RALY: variants seen among roughly 807,000 people sequenced by gnomAD.
RALY encodes RALY heterogeneous nuclear ribonucleoprotein.
Under a neutral mutation model 30.7 loss-of-function variants are expected in RALY, and 15 were observed. The ratio of observed to expected loss-of-function variants is 0.49; its 90% CI spans 0.33 to 0.75. The LOEUF (loss-of-function observed/expected upper bound fraction) is 0.75, where lower values mean the gene tolerates loss of function less well. Among genes scored for constraint, RALY ranks in the 30% least tolerant of loss-of-function variants. The pLI, the probability that RALY is intolerant of heterozygous loss-of-function variation, is 0.02. For missense variants in RALY, 339 were observed against 414.3 expected, an observed-to-expected ratio of 0.82 and a Z score of 1.58; for synonymous variants, 177 against 170.8, an observed-to-expected ratio of 1.04 and a Z score of -0.28.
intron 1 of RALY, among the ~76,000 whole-genome samples, chr20:34,006,997 C>T (rs537978950): frequency 6.6e-6 from 1 of 152,234 alleles, no homozygotes; most frequent in East Asian, 1.9e-4. Flanking sequence ...GGTGTGTTTT[C>T]TGTGTCTCTT....
intron 1 of RALY, among the ~76,000 whole-genome samples, chr20:34,011,416 T>G (rs1464389928): frequency 6.6e-6 from 1 of 152,168 alleles, no homozygotes; most frequent in African/African-American, 2.4e-5. Flanking sequence ...TTAAGTAAAT[T>G]TTTACATATC....
chr20:34,062,994 C>A (rs1296424896), intron 2 of RALY, among the ~76,000 whole-genome samples: 1 of 152,178 alleles, frequency 6.6e-6, no homozygotes, highest in Non-Finnish European at 1.5e-5. Flanking sequence ...AAGAAACTGA[C>A]CTCCAGGCAG....
Position 34,021,916 on chromosome 20 carries a change from T to TA in RALY, c.-92-9597dup, listed in dbSNP as rs200864255. Among the ~76,000 whole-genome samples the TA allele has an allele frequency of 8.0e-4, 121 of 150,330 alleles. 2 individuals carry two copies. Among genetic ancestry groups the TA allele is most frequent in the African/African-American group, 2.2e-3 (90 of 41,136 alleles). Reference sequence around the variant, plus strand: ...TTGTTCTTTTAAGTTTTTTTATTATTAAAAAAAAATTTTTTTTTAAATAGA... The same window carrying TA: ...TTGTTCTTTTAAGTTTTTTTATTATTAAAAAAAAAATTTTTTTTTAAATAGA... On this transcript the variant is annotated intron_variant, in intron 1 of 9. Transcript: ENST00000246194.
At chr20:34,063,731 G>A (rs1306340432) in intron 2 of RALY, among the ~76,000 whole-genome samples, 1 of 152,146 alleles carries the variant, frequency 6.6e-6, no homozygotes, top group Non-Finnish European at 1.5e-5. Context: ...AGGAGAATAA[G>A]GGGATCAAAG....
At chr20:34,065,238 A>G (rs1226333964) in intron 2 of RALY, 1 of 152,280 alleles carries the variant, frequency 6.6e-6, no homozygotes, top group African/African-American at 2.4e-5. Context: ...TTACAGATGC[A>G]ACAGAGCGCT....
chr20:34,025,899 G>GTTTTTTTTTTTTTTTTTTTTTT (rs35827160), intron 1 of RALY, among the ~76,000 whole-genome samples: 1 of 75,916 alleles, frequency 1.3e-5, no homozygotes, highest in Non-Finnish European at 2.4e-5. Context: ...ATTCCTGGTT[G>GTTTTTTTTTTTTTTTTTTTTTT]TTTTTTTTTT....
At chr20:34,066,871 A>G (rs897782097) in intron 2 of RALY, among the ~76,000 whole-genome samples, 1 of 152,166 alleles carries the variant, frequency 6.6e-6, no homozygotes, top group South Asian at 2.1e-4. Flanking sequence ...GGCTTTGTTC[A>G]CTAAAATTCT....
chr20:34,020,417 T>C (rs528228296), intron 1 of RALY, among the ~76,000 whole-genome samples: 2 of 152,284 alleles, frequency 1.3e-5, no homozygotes, highest in East Asian at 3.9e-4. Flanking sequence ...AGCTGCCAAA[T>C]TACAACTCAG....
At chr20:34,032,031 C>A (rs1245558214) in intron 2 of RALY, among the ~76,000 whole-genome samples, 1 of 152,174 alleles carries the variant, frequency 6.6e-6, no homozygotes, top group Non-Finnish European at 1.5e-5. Context: ...GGCACGATCT[C>A]GGCTCAATGC....
rs538669124 is a variant in RALY at position 34,082,248 on chromosome 20, C to T, written c.*2343C>T. 2.0e-5 allele frequency: 3 copies of T among 152,376 alleles called. No individual in the cohort carries two copies. The highest frequency in any genetic ancestry group is 7.2e-5 in the African/African-American group (3 of 41,578). The allele number at this position is 152,376 out of a possible 1,614,324, so 9.4% of individuals were successfully genotyped here. On this transcript the variant is annotated 3_prime_UTR_variant, in exon 10 of 10. Coordinates refer to ENST00000246194, the MANE Select transcript of RALY (RefSeq NM_016732.3). The stretch of plus-strand genomic sequence containing the variant: ...AATACCCTGGCAAGTCATTACTGCC[C>T]TTAGCTCTTGGTGTCCCCATCTGTG...
chr20:34,004,760 TTTC>T (rs1419312293), intron 1 of RALY, among the ~76,000 whole-genome samples: 2 of 152,220 alleles, frequency 1.3e-5, no homozygotes, highest in Non-Finnish European at 2.9e-5. Flanking sequence ...AAAGAGAGTT[TTTC>T]TTCTTAAAAT....
intron 1 of RALY, among the ~76,000 whole-genome samples, chr20:33,999,292 C>T (rs188843644): frequency 1.3e-5 from 2 of 151,994 alleles, no homozygotes; most frequent in African/African-American, 4.8e-5. Context: ...AGAAGGAGCA[C>T]GTAAGGGAGG....
At position 34,077,283 on chromosome 20, in the gene RALY, G is replaced by A; in HGVS notation, c.876+38G>A. The A allele has an allele frequency of 2.5e-6, 4 of 1,610,596 alleles. No homozygotes were observed. The South Asian group carries it at 3.3e-5, about 13-fold the overall frequency. On this transcript the variant is annotated intron_variant, in intron 8 of 9. Transcript: ENST00000246194. The stretch of plus-strand genomic sequence containing the variant: ...CCAGGGGCACGACTGGGACTCGACT[G>A]TGCTCCTACTCTCAGGAGGCCAACA...
chr20:34,018,792 G>T (rs2123044758), intron 1 of RALY, among the ~76,000 whole-genome samples: 1 of 152,264 alleles, frequency 6.6e-6, no homozygotes, highest in South Asian at 2.1e-4. Context: ...CTCAATAGAG[G>T]TTCCTTTGCA....
At chr20:34,015,795 C>G (rs532554536) in intron 1 of RALY, among the ~76,000 whole-genome samples, 1 of 152,156 alleles carries the variant, frequency 6.6e-6, no homozygotes, top group South Asian at 2.1e-4. Context: ...CACACAGAGG[C>G]AGACACCTAC....
rs2034047663 is a variant in RALY, at chr20:34,082,623, A to G, written c.*2718A>G. 1 of 152,322 alleles carries G rather than the reference A, an allele frequency of 6.6e-6. No homozygotes were observed. Among genetic ancestry groups the G allele is most frequent in the African/African-American group, 2.4e-5 (1 of 41,464 alleles). 9.4% of individuals were successfully genotyped at this position (152,322 alleles called of 1,614,324 possible). On this transcript the variant is annotated 3_prime_UTR_variant, in exon 10 of 10. Coordinates refer to ENST00000246194, the MANE Select transcript of RALY (RefSeq NM_016732.3). The stretch of plus-strand genomic sequence containing the variant: ...TGCCTGGTCATGCTGGCACCGGGTC[A>G]TATGCTGGACAGGGAGAACGAGAGT...
intron 4 of RALY, 58 bp from the exon 5 acceptor site, chr20:34,073,761 G>T (rs2033796898): frequency 6.3e-7 from 1 of 1,584,846 alleles, no homozygotes; most frequent in African/African-American, 1.3e-5. Flanking sequence ...GAGGGCCTGT[G>T]GAAAGTGGGC....
chr20:33,999,621 A>G (rs1408277431), intron 1 of RALY, among the ~76,000 whole-genome samples: 1 of 152,192 alleles, frequency 6.6e-6, no homozygotes, highest in African/African-American at 2.4e-5. Context: ...AGCCGAAGCC[A>G]CTTCTCTGCT....
At chr20:34,061,114 C>T (rs893037486) in intron 2 of RALY, among the ~76,000 whole-genome samples, 1 of 152,130 alleles carries the variant, frequency 6.6e-6, no homozygotes, top group African/African-American at 2.4e-5. Context: ...TGGTGTTTGT[C>T]AAAGTATGGA....
Sources: allele counts gnomAD v4.1 joint callset (sites outside exome capture counted in the v4.1 genomes callset), GRCh38; gene constraint gnomAD v4.1.1; transcripts MANE v1.5; gene names NCBI Gene and HGNC (gene_info 2026-07-23, HGNC 2026-07-21).